ZRANB3: variants seen among roughly 807,000 people sequenced by gnomAD.
ZRANB3 encodes DNA annealing helicase and endonuclease ZRANB3.
A neutral mutation model predicts 133.8 loss-of-function variants in ZRANB3; 125 were observed. The observed-to-expected ratio is 0.93, with a 90% CI of 0.81 to 1.08. ZRANB3 has a LOEUF of 1.08. Ranked by LOEUF, ZRANB3 falls within the 50% of genes least tolerant of loss-of-function variation. The pLI is 0.00. For synonymous variants in ZRANB3, 387 were observed against 432.7 expected (o/e 0.89, Z 1.31); for missense variants, 1,229 against 1,275.5 (o/e 0.96, Z 0.56).
chr2:135,224,574 CT>C, intron 14 of ZRANB3, 57 bp from the exon 15 acceptor site: 7 of 1,278,368 alleles, frequency 5.5e-6, no homozygotes, highest in Non-Finnish European at 7.8e-6. Flanking sequence ...TCTAAAATAG[CT>C]TATTTTAATC....
intron 3 of ZRANB3, among the ~76,000 whole-genome samples, chr2:135,374,143 C>T (rs1028373752): frequency 6.6e-6 from 1 of 152,074 alleles, no homozygotes; most frequent in Non-Finnish European, 1.5e-5. Flanking sequence ...TTTACTCTAT[C>T]GGCCTGTAAT....
intron 4 of ZRANB3, among the ~76,000 whole-genome samples, chr2:135,351,648 T>C (rs1415075785): frequency 3.9e-5 from 6 of 152,202 alleles, no homozygotes; most frequent in Admixed American, 3.3e-4. Flanking sequence ...GAGCAACATA[T>C]AGGAGACTGG....
At chr2:135,415,900 T>C (rs1395030700) in intron 2 of ZRANB3, among the ~76,000 whole-genome samples, 2 of 152,016 alleles carry the variant, frequency 1.3e-5, no homozygotes, top group Non-Finnish European at 2.9e-5. Context: ...TTTGACAAAA[T>C]TCAACAACCC....
At chr2:135,357,215 T>G (rs529880082) in intron 3 of ZRANB3, among the ~76,000 whole-genome samples, 1 of 152,120 alleles carries the variant, frequency 6.6e-6, no homozygotes, top group Non-Finnish European at 1.5e-5. Flanking sequence ...TTCTCGTGCC[T>G]TAGCCTCCTG....
At chr2:135,273,840 AT>A (rs1486042381) in intron 9 of ZRANB3, among the ~76,000 whole-genome samples, 6 of 152,112 alleles carry the variant, frequency 3.9e-5, no homozygotes, top group Non-Finnish European at 5.9e-5. Context: ...CCTGGCCTAT[AT>A]CTACATTTTT....
rs559565955 is a variant in ZRANB3 at position 135,242,449 on chromosome 2, ACTTT to A, written c.1540-11526_1540-11523del. ...TCATTATAGTAGACACTCAGTAGGT[ACTTT>A]CTTTCTTTTTTTTTTTTTAAAGAGA... On this transcript the variant is annotated intron_variant, in intron 12 of 20. Coordinates refer to ENST00000264159, the MANE Select transcript of ZRANB3 (RefSeq NM_032143.4). Among the ~76,000 whole-genome samples the A allele has an allele frequency of 2.0e-4, 30 of 151,334 alleles. 1 individual carries two copies. In the South Asian group the frequency reaches 2.1e-3, roughly 11 times the overall value.
chr2:135,232,941 G>A (rs537297880), intron 12 of ZRANB3, among the ~76,000 whole-genome samples: 1 of 152,334 alleles, frequency 6.6e-6, no homozygotes, highest in East Asian at 1.9e-4. Context: ...AAGCTGGATG[G>A]AGAATGACTT....
chr2:135,513,698 ACATG>A (rs1693576276), intron 1 of ZRANB3, among the ~76,000 whole-genome samples: 1 of 152,174 alleles, frequency 6.6e-6, no homozygotes, highest in Non-Finnish European at 1.5e-5. Flanking sequence ...AAGTCTTTGA[ACATG>A]CCTATGTCCT....
chr2:135,219,869 C>CT (rs997022612), intron 15 of ZRANB3, among the ~76,000 whole-genome samples: 2 of 151,572 alleles, frequency 1.3e-5, no homozygotes, highest in African/African-American at 2.4e-5. Flanking sequence ...ATCCTGAAAT[C>CT]TTTTTTTTCC....
At chr2:135,309,691 A>G (rs1022413561) in intron 8 of ZRANB3, among the ~76,000 whole-genome samples, 25 of 152,230 alleles carry the variant, frequency 1.6e-4, no homozygotes, top group Admixed American at 1.6e-3. Flanking sequence ...TATTAAAAAA[A>G]CTAGAGAACA....
intron 1 of ZRANB3, among the ~76,000 whole-genome samples, chr2:135,513,687 G>C (rs1371192761): frequency 6.6e-6 from 1 of 152,164 alleles, no homozygotes; most frequent in African/African-American, 2.4e-5. Flanking sequence ...GCAAAAACAT[G>C]AAGTCTTTGA....
intron 8 of ZRANB3, among the ~76,000 whole-genome samples, chr2:135,284,921 C>T (rs1055601206): frequency 5.9e-5 from 9 of 151,722 alleles, no homozygotes; most frequent in African/African-American, 1.9e-4. Context: ...TCTTGGCTCG[C>T]TGCAATCTCT....
At chr2:135,255,999 G>A (rs1020871988) in intron 12 of ZRANB3, among the ~76,000 whole-genome samples, 1 of 148,156 alleles carries the variant, frequency 6.7e-6, no homozygotes, top group Admixed American at 6.8e-5. Flanking sequence ...CTACAGACTC[G>A]ACCGCCCTGG....
chr2:135,501,056 C>A (rs534513597), intron 2 of ZRANB3, among the ~76,000 whole-genome samples: 1 of 151,894 alleles, frequency 6.6e-6, no homozygotes, highest in African/African-American at 2.4e-5. Context: ...GCACAATAAT[C>A]CTAAACAGGA....
intron 1 of ZRANB3, among the ~76,000 whole-genome samples, chr2:135,515,207 A>C (rs551889285): frequency 6.6e-6 from 1 of 152,274 alleles, no homozygotes; most frequent in East Asian, 1.9e-4. Context: ...TTTCAGAAGG[A>C]ATGGTACCAG....
intron 2 of ZRANB3, among the ~76,000 whole-genome samples, chr2:135,497,592 TTTCCATCACAGCGGAAAG>T (rs1297871288): frequency 6.6e-6 from 1 of 152,212 alleles, no homozygotes; most frequent in Non-Finnish European, 1.5e-5. Flanking sequence ...ATAAAGAATA[TTTCCATCACAGCGGAAAG>T]TTCCATTAGA....
intron 8 of ZRANB3, among the ~76,000 whole-genome samples, chr2:135,292,185 T>C (rs1033450162): frequency 2.6e-5 from 4 of 152,192 alleles, no homozygotes; most frequent in Admixed American, 2.0e-4. Flanking sequence ...ACTTCCACAA[T>C]GGTTGAACTA....
intron 2 of ZRANB3, among the ~76,000 whole-genome samples, chr2:135,440,186 T>A (rs11892948): frequency 0.1 from 15,895 of 152,188 alleles, 1,099 homozygotes; most frequent in South Asian, 0.32. Flanking sequence ...TTTTGGACAC[T>A]AACTTTCTTA....
At chr2:135,264,112 G>A (rs1204300546) in intron 12 of ZRANB3, among the ~76,000 whole-genome samples, 1 of 151,476 alleles carries the variant, frequency 6.6e-6, no homozygotes, top group African/African-American at 2.4e-5. Flanking sequence ...TTTTAAAGTG[G>A]GGAGGTAAAT....
Sources: gnomAD v4.1 joint callset for allele counts (sites outside exome capture counted in the v4.1 genomes callset) on GRCh38, gnomAD v4.1.1 for gene constraint, MANE v1.5 for transcripts, NCBI Gene and HGNC (gene_info 2026-07-23, HGNC 2026-07-21) for gene names.